The following EML4 variants were observed in gnomAD, a reference collection of about 807,000 sequenced individuals.
EML4 encodes echinoderm microtubule-associated protein-like 4.
EML4 carries 72 observed loss-of-function variants against 129.0 expected under a neutral mutation model. That is an observed-to-expected ratio of 0.56 (90% confidence interval 0.46 to 0.68). EML4 has a LOEUF of 0.68. EML4 is among the 30% of genes least tolerant of loss of function. The probability of loss-of-function intolerance (pLI) is 0.00; values close to 1 mark genes in which losing one functional copy is unlikely to be tolerated. For missense variants in EML4, 1,363 were observed against 1,190.6 expected (o/e 1.14, Z -2.13); for synonymous variants, 532 against 405.0 (o/e 1.31, Z -3.77).
intron 1 of EML4, among the ~76,000 whole-genome samples, chr2:42,231,261 GCTTT>G (rs1342066786): frequency 2.6e-5 from 4 of 152,130 alleles, no homozygotes; most frequent in Non-Finnish European, 5.9e-5. Flanking sequence ...CCTATGACTA[GCTTT>G]CTGACAGTTT....
intron 1 of EML4, among the ~76,000 whole-genome samples, chr2:42,232,166 C>T (rs1674387748): frequency 6.6e-6 from 1 of 152,028 alleles, no homozygotes; most frequent in Non-Finnish European, 1.5e-5. Context: ...CAAGCTTTTT[C>T]CCTGAAATTA....
intron 2 of EML4, among the ~76,000 whole-genome samples, chr2:42,248,243 A>G (rs914428072): frequency 2.0e-5 from 3 of 152,136 alleles, no homozygotes; most frequent in Admixed American, 1.3e-4. Context: ...AGTCTTTTTA[A>G]TATGCTGAAA....
chr2:42,247,826 T>C (rs544641621), intron 2 of EML4, among the ~76,000 whole-genome samples: 1 of 152,124 alleles, frequency 6.6e-6, no homozygotes, highest in Non-Finnish European at 1.5e-5. Flanking sequence ...ATGGGCTTTA[T>C]AGGGAATATA....
chr2:42,326,084 A>G (rs1238746592), intron 20 of EML4, 70 bp from the exon 21 acceptor site: 8 of 1,579,984 alleles, frequency 5.1e-6, no homozygotes, highest in Non-Finnish European at 5.2e-6. Context: ...GCTAGTTTGA[A>G]TCAAGATGCA....
At chr2:42,197,851 C>T (rs1443757386) in intron 1 of EML4, among the ~76,000 whole-genome samples, 4 of 152,152 alleles carry the variant, frequency 2.6e-5, no homozygotes, top group Non-Finnish European at 5.9e-5. Context: ...TTGTGTACTC[C>T]TTTAGCCAGG....
intron 1 of EML4, among the ~76,000 whole-genome samples, chr2:42,241,331 A>G (rs7583046): frequency 0.47 from 71,689 of 151,972 alleles, 17,186 homozygotes; most frequent in East Asian, 0.74. Flanking sequence ...GATAACTACT[A>G]TGCTCTGTTA....
intron 1 of EML4, among the ~76,000 whole-genome samples, chr2:42,226,002 T>C (rs1673935046): frequency 6.6e-6 from 1 of 151,976 alleles, no homozygotes. Context: ...GAAATAATGC[T>C]ACCCAAATTA....
intron 17 of EML4, among the ~76,000 whole-genome samples, chr2:42,313,619 G>A (rs957825664): frequency 6.6e-6 from 1 of 151,968 alleles, no homozygotes; most frequent in Non-Finnish European, 1.5e-5. Context: ...ATTAGTTATA[G>A]TGCTTTAAAA....
intron 6 of EML4, among the ~76,000 whole-genome samples, chr2:42,276,272 A>G (rs957635057): frequency 6.6e-6 from 1 of 152,132 alleles, no homozygotes; most frequent in African/African-American, 2.4e-5. Context: ...ACAATAAATT[A>G]TAGATTTTCT....
At chr2:42,272,733 A>C (rs984416597) in intron 6 of EML4, among the ~76,000 whole-genome samples, 2 of 152,208 alleles carry the variant, frequency 1.3e-5, no homozygotes, top group Non-Finnish European at 2.9e-5. Context: ...TTGAATGAAA[A>C]GACTTTAACC....
Position 42,330,089 on chromosome 2 carries a change from AAGAGGGCAGCGG to A in EML4, c.2832_2843del (p.Glu944_Gly947del). The A allele has an allele frequency of 6.2e-7, 1 of 1,612,996 alleles. No homozygotes were observed. The highest frequency in any genetic ancestry group is 2.2e-5 in the East Asian group (1 of 44,846). On this transcript the variant is annotated inframe_deletion, in exon 23 of 23. Coordinates refer to ENST00000318522, the MANE Select transcript of EML4 (RefSeq NM_019063.5). ...GAAGACCACAGCGAGGAGGAGAGTG[AAGAGGGCAGCGG>A]AGACCTTGGTGAGCCTCTTTATGAA... is the stretch of plus-strand genomic sequence containing the variant.
chr2:42,258,525 G>T (rs554814666), intron 3 of EML4, among the ~76,000 whole-genome samples: 1 of 151,998 alleles, frequency 6.6e-6, no homozygotes, highest in Admixed American at 6.6e-5. Context: ...TGCAGCACCC[G>T]GAGTAGCTGG....
intron 1 of EML4, among the ~76,000 whole-genome samples, chr2:42,221,872 G>A (rs1300742142): frequency 2.0e-5 from 3 of 152,004 alleles, no homozygotes; most frequent in Admixed American, 1.3e-4. Context: ...CCAAAGTGCT[G>A]GGATTACAGG....
chr2:42,252,179 G>A (rs1675818171), intron 2 of EML4, among the ~76,000 whole-genome samples: 1 of 152,196 alleles, frequency 6.6e-6, no homozygotes, highest in African/African-American at 2.4e-5. Flanking sequence ...TACTGTGTTA[G>A]TCTACATACA....
intron 4 of EML4, among the ~76,000 whole-genome samples, chr2:42,262,125 T>C (rs908400396): frequency 6.6e-6 from 1 of 152,158 alleles, no homozygotes; most frequent in Non-Finnish European, 1.5e-5. Flanking sequence ...CAGAACTGGC[T>C]AGAATTTTAA....
chr2:42,256,558 C>G lies in EML4; in HGVS notation c.266C>G (p.Ala89Gly). Residue 89 changes from alanine (A) to glycine (G), a missense_variant, in exon 3 of 23, where the codon GCA becomes GGA. Physicochemically the swap from Ala to Gly is moderately conservative, Grantham distance 60. Transcript: ENST00000318522. ...TCCTGTATAACCAATGGAAGTGGTG[C>G]AAACAGAAAACCAAGTCATACCAGT... ...PMSCITNGSGANRKPSHTSAV... is the reference protein window; with the variant it reads ...PMSCITNGSGGNRKPSHTSAV... The G allele has an allele frequency of 6.2e-7, 1 of 1,613,690 alleles. No individual in the cohort carries two copies. Among genetic ancestry groups the G allele is most frequent in the Non-Finnish European group, 8.5e-7 (1 of 1,179,758 alleles).
At chr2:42,281,065 A>C in intron 7 of EML4, 92 bp downstream of exon 7, 1 of 433,000 alleles carries the variant, frequency 2.3e-6, no homozygotes, top group Non-Finnish European at 3.4e-6. Flanking sequence ...GTCTTTATAC[A>C]AAAAAAAAAA....
chr2:42,303,636 G>A (rs556834223), intron 16 of EML4, among the ~76,000 whole-genome samples, 190 bp downstream of exon 16: 2 of 152,320 alleles, frequency 1.3e-5, no homozygotes, highest in South Asian at 4.1e-4. Flanking sequence ...TTTTAAAGAA[G>A]TAAGTTAGGC....
intron 13 of EML4, among the ~76,000 whole-genome samples, chr2:42,296,263 G>C (rs897188326): frequency 1.3e-5 from 2 of 152,110 alleles, no homozygotes; most frequent in Non-Finnish European, 2.9e-5. Flanking sequence ...CAGGAGAAGA[G>C]AGAGATTCTT....
Sources: allele counts gnomAD v4.1 joint callset (sites outside exome capture counted in the v4.1 genomes callset), GRCh38; gene constraint gnomAD v4.1.1; transcripts MANE v1.5; gene names NCBI Gene and HGNC (gene_info 2026-07-23, HGNC 2026-07-21).